Variants in TYW1B observed in about 807,000 individuals in gnomAD.
TYW1B encodes the protein tRNA-yW synthesizing protein 1 homolog B, also known as S-adenosyl-L-methionine-dependent tRNA 4-demethylwyosine synthase TYW1B.
A neutral mutation model predicts 86.9 loss-of-function variants in TYW1B; 73 were observed. The observed-to-expected ratio is 0.84, with a 90% CI of 0.70 to 1.02. TYW1B has a LOEUF of 1.02. TYW1B is among the 50% of genes least tolerant of loss of function. The pLI, the probability that TYW1B is intolerant of heterozygous loss-of-function variation, is 0.00. For synonymous variants in TYW1B, 248 were observed against 292.8 expected (o/e 0.85, Z 1.56); for missense variants, 637 against 827.4 (o/e 0.77, Z 2.82).
chr7:72,706,431 CAAAAAAAAA>C (rs59124514), intron 10 of TYW1B, among the ~76,000 whole-genome samples: 1 of 64,490 alleles, frequency 1.6e-5, no homozygotes, highest in African/African-American at 6.6e-5. Flanking sequence ...CCTCCATCTC[CAAAAAAAAA>C]AAAAAAAAAA....
At chr7:72,623,727 G>A (rs1271648674) in intron 12 of TYW1B, among the ~76,000 whole-genome samples, 7 of 152,094 alleles carry the variant, frequency 4.6e-5, no homozygotes, top group Non-Finnish European at 8.8e-5. Context: ...AGAGGTTTGA[G>A]GTTATAGCCT....
chr7:72,663,576 G>C (rs1354959014), intron 11 of TYW1B, among the ~76,000 whole-genome samples: 1 of 151,752 alleles, frequency 6.6e-6, no homozygotes, highest in Non-Finnish European at 1.5e-5. Context: ...GGCTAACACA[G>C]TGAAACCCCG....
At chr7:72,677,436 C>T (rs1464942338) in intron 11 of TYW1B, among the ~76,000 whole-genome samples, 3 of 152,186 alleles carry the variant, frequency 2.0e-5, no homozygotes, top group Admixed American at 6.5e-5. Flanking sequence ...GCGTGAGCCA[C>T]CACATCCTGA....
intron 13 of TYW1B, among the ~76,000 whole-genome samples, chr7:72,605,747 GT>G (rs1327117225): frequency 6.6e-6 from 1 of 152,192 alleles, no homozygotes; most frequent in African/African-American, 2.4e-5. Context: ...AGGAAAAGAT[GT>G]TTTCATGTAA....
intron 9 of TYW1B, among the ~76,000 whole-genome samples, chr7:72,726,305 T>C (rs761917860): frequency 1.1e-4 from 17 of 151,924 alleles, no homozygotes; most frequent in Non-Finnish European, 2.5e-4. Flanking sequence ...CACAAATATG[T>C]ACAGGTCAAC....
chr7:72,596,717 A>G (rs1811540612), intron 13 of TYW1B, among the ~76,000 whole-genome samples: 1 of 152,212 alleles, frequency 6.6e-6, no homozygotes, highest in Non-Finnish European at 1.5e-5. Context: ...GACATTGAAC[A>G]TAGCAGTGAT....
intron 11 of TYW1B, among the ~76,000 whole-genome samples, chr7:72,664,755 TA>T (rs528154758): frequency 2.7e-5 from 4 of 149,938 alleles, no homozygotes; most frequent in African/African-American, 2.4e-5. Context: ...CTTAAGAGTT[TA>T]AAAAAAAAAT....
rs1293459145 is a variant in TYW1B, at chr7:72,662,418, T to TAG, written c.1506+32268_1506+32269insCT. The stretch of plus-strand genomic sequence containing the variant: ...ATGATATATCCCTTCAGGTTTTTAA[T>TAG]ATATATATATAGATAGATAGATAGA... On this transcript the variant is annotated intron_variant, in intron 11 of 13. Coordinates refer to ENST00000620995, the MANE Select transcript of TYW1B (RefSeq NM_001145440.3). 7.6e-3 allele frequency among the ~76,000 whole-genome samples: 376 copies of TAG among 49,386 alleles called. 1 individual carries two copies. The highest frequency in any genetic ancestry group is 0.011 in the Non-Finnish European group (266 of 23,408). The allele number at this position is 49,386 out of a possible 152,430, so 32.4% of individuals were successfully genotyped here.
rs550392285 is a variant in TYW1B, at chr7:72,739,230, T to C, written c.1082+5254A>G. ...AAATGGAATATGATTATCCATATGA[T>C]GATAAACGTTCACCGAGGTTTAATA... On this transcript the variant is annotated intron_variant, in intron 8 of 13. Coordinates refer to ENST00000620995, the MANE Select transcript of TYW1B (RefSeq NM_001145440.3). Among the ~76,000 whole-genome samples, 22 of 152,312 alleles carry C rather than the reference T, an allele frequency of 1.4e-4. No homozygotes were observed. The East Asian group carries it at 3.7e-3, about 25-fold the overall frequency.
chr7:72,800,649 G>T (rs1788388002), intron 6 of TYW1B, among the ~76,000 whole-genome samples: 1 of 147,766 alleles, frequency 6.8e-6, no homozygotes, highest in Admixed American at 6.9e-5. Flanking sequence ...TTTAATTAGA[G>T]ATACCTTGTG....
At chr7:72,709,560 C>G (rs1814698108) in intron 10 of TYW1B, among the ~76,000 whole-genome samples, 1 of 151,934 alleles carries the variant, frequency 6.6e-6, no homozygotes, top group Non-Finnish European at 1.5e-5. Flanking sequence ...CCCAGCTACT[C>G]GGGAGGCTGA....
intron 11 of TYW1B, among the ~76,000 whole-genome samples, chr7:72,638,802 T>C (rs1470599303): frequency 1.3e-5 from 2 of 152,226 alleles, no homozygotes; most frequent in Non-Finnish European, 2.9e-5. Context: ...TGCCACTTGA[T>C]TGATGCACTA....
At chr7:72,778,267 GA>G (rs1554470993) in intron 6 of TYW1B, among the ~76,000 whole-genome samples, 1 of 152,144 alleles carries the variant, frequency 6.6e-6, no homozygotes, top group Non-Finnish European at 1.5e-5. Flanking sequence ...AAGGTTAAAT[GA>G]AATAAAATCA....
At chr7:72,748,756 C>A (rs557123683) in intron 7 of TYW1B, among the ~76,000 whole-genome samples, 3 of 151,606 alleles carry the variant, frequency 2.0e-5, no homozygotes, top group Admixed American at 6.6e-5. Context: ...AAATGTTGAA[C>A]CTGCCTTGCA....
At chr7:72,714,747 T>C (rs1554455512) in intron 9 of TYW1B, among the ~76,000 whole-genome samples, 1 of 152,190 alleles carries the variant, frequency 6.6e-6, no homozygotes, top group Non-Finnish European at 1.5e-5. Flanking sequence ...TGAAACCCTG[T>C]CTCTACTAAA....
In TYW1B at chr7:72,712,432, G is replaced by A. The variant is rs192617185; in HGVS notation, c.1370+1189C>T. Reference sequence around the variant, plus strand: ...AAACCTCCGCCTCCCGGGTTCAAGCGATTCTCCTGCCTCAGCCTCCCGAGT... The same window carrying A: ...AAACCTCCGCCTCCCGGGTTCAAGCAATTCTCCTGCCTCAGCCTCCCGAGT... On this transcript the variant is annotated intron_variant, in intron 10 of 13. Coordinates refer to ENST00000620995, the MANE Select transcript of TYW1B (RefSeq NM_001145440.3). 2.7e-3 allele frequency among the ~76,000 whole-genome samples: 410 copies of A among 152,144 alleles called. 1 individual carries two copies. Among genetic ancestry groups the A allele is most frequent in the African/African-American group, 8.9e-3 (370 of 41,524 alleles).
chr7:72,782,635 G>A (rs1361255589), intron 6 of TYW1B, among the ~76,000 whole-genome samples: 1 of 152,142 alleles, frequency 6.6e-6, no homozygotes, highest in Non-Finnish European at 1.5e-5. Flanking sequence ...CTAGCACTTT[G>A]GGAGGTGGAG....
chr7:72,619,408 G>C (rs1369999242), intron 12 of TYW1B, among the ~76,000 whole-genome samples: 1 of 152,034 alleles, frequency 6.6e-6, no homozygotes, highest in Non-Finnish European at 1.5e-5. Flanking sequence ...TTGGGAGGCC[G>C]AGGCGGGTGG....
chr7:72,626,377 T>G (rs145171512), intron 12 of TYW1B, among the ~76,000 whole-genome samples: 2,216 of 152,074 alleles, frequency 0.015, 27 homozygotes, highest in Middle Eastern at 0.031. Flanking sequence ...TCACTTCTCT[T>G]GTCTTGTGGA....
Sources: allele counts gnomAD v4.1 joint callset (sites outside exome capture counted in the v4.1 genomes callset), GRCh38; gene constraint gnomAD v4.1.1; transcripts MANE v1.5; gene names NCBI Gene and HGNC (gene_info 2026-07-23, HGNC 2026-07-21).